Variants in RGSL1 observed in about 807,000 individuals in gnomAD.
RGSL1 encodes the protein regulator of G protein signaling like 1, also known as regulator of G protein signaling protein-like.
RGSL1 carries 97 observed loss-of-function variants against 124.7 expected under a neutral mutation model. That is an observed-to-expected ratio of 0.78 (90% confidence interval 0.66 to 0.92). The LOEUF is 0.92. Ranked by LOEUF, RGSL1 falls within the 40% of genes least tolerant of loss-of-function variation. The pLI, the probability that RGSL1 is intolerant of heterozygous loss-of-function variation, is 0.00. For synonymous variants in RGSL1, 424 were observed against 438.1 expected (o/e 0.97, Z 0.40); for missense variants, 1,233 against 1,288.4 (o/e 0.96, Z 0.66).
chr1:182,464,471 CCCAG>C (rs1653105505), intron 4 of RGSL1, among the ~76,000 whole-genome samples: 2 of 152,142 alleles, frequency 1.3e-5, no homozygotes, highest in Non-Finnish European at 2.9e-5. Flanking sequence ...CGCCTGTAAT[CCCAG>C]CACTTTGGGA....
intron 21 of RGSL1, among the ~76,000 whole-genome samples, chr1:182,557,976 C>T (rs969320783): frequency 1.2e-4 from 18 of 151,980 alleles, no homozygotes; most frequent in Non-Finnish European, 2.2e-4. Context: ...AACTGGAGAA[C>T]GTGTCCCAAA....
chr1:182,517,367 A>G (rs1163695271), intron 9 of RGSL1, among the ~76,000 whole-genome samples: 5 of 151,496 alleles, frequency 3.3e-5, no homozygotes, highest in African/African-American at 7.3e-5. Flanking sequence ...TTTGGGTCAA[A>G]TCTGTTTGGT....
chr1:182,462,502 CT>C (rs997073800), intron 4 of RGSL1, among the ~76,000 whole-genome samples: 2 of 151,842 alleles, frequency 1.3e-5, no homozygotes, highest in African/African-American at 4.8e-5. Flanking sequence ...TATAACTGCC[CT>C]TTTTTGTTTT....
In RGSL1 at chr1:182,551,749, T is replaced by C. The variant is rs74683056; in HGVS notation, c.3043+540T>C. On this transcript the variant is annotated intron_variant, in intron 18 of 21. Transcript: ENST00000294854. ...GTAAATATGCATACATATATATATA[T>C]ACACACACATACAGCCATGCACCAC... Among the ~76,000 whole-genome samples the C allele has an allele frequency of 1.0e-4, 14 of 140,476 alleles. No individual in the cohort carries two copies. The South Asian group carries it at 1.4e-3, about 14-fold the overall frequency. The allele number at this position is 140,476 out of a possible 152,430, so 92.2% of individuals were successfully genotyped here. A position where few individuals can be genotyped will look rare whatever the true frequency, so the allele number is the denominator to read the frequency against.
intron 9 of RGSL1, among the ~76,000 whole-genome samples, chr1:182,513,763 G>A (rs573942109): frequency 1.3e-5 from 2 of 152,140 alleles, no homozygotes. Flanking sequence ...TTACATCAGG[G>A]GCTGCCTGAA....
intron 21 of RGSL1, among the ~76,000 whole-genome samples, chr1:182,557,982 C>T (rs1392481571): frequency 6.6e-6 from 1 of 151,846 alleles, no homozygotes; most frequent in Admixed American, 6.6e-5. Context: ...AGAACGTGTC[C>T]CAAAGGGGTC....
chr1:182,478,076 T>C (rs1654431588), intron 6 of RGSL1, among the ~76,000 whole-genome samples: 1 of 152,158 alleles, frequency 6.6e-6, no homozygotes, highest in Admixed American at 6.6e-5. Context: ...TTCTAAACTG[T>C]TTAACACAAT....
At chr1:182,485,617 TC>T (rs1426724859) in intron 6 of RGSL1, among the ~76,000 whole-genome samples, 1 of 152,172 alleles carries the variant, frequency 6.6e-6, no homozygotes, top group Non-Finnish European at 1.5e-5. Flanking sequence ...GATTCTGTCA[TC>T]CCTTCTCTCA....
intron 15 of RGSL1, among the ~76,000 whole-genome samples, chr1:182,541,188 ACTT>A (rs1380232062): frequency 6.6e-6 from 1 of 152,130 alleles, no homozygotes; most frequent in Non-Finnish European, 1.5e-5. Flanking sequence ...ACTAGGTCTT[ACTT>A]CTTCTATCTA....
In RGSL1 at chr1:182,455,399, T is replaced by C. The variant is rs59602525; in HGVS notation, c.96+1359T>C. Among the ~76,000 whole-genome samples the C allele has an allele frequency of 1.7e-3, 258 of 152,106 alleles. 1 individual carries two copies. Among genetic ancestry groups the C allele is most frequent in the African/African-American group, 5.7e-3 (236 of 41,496 alleles). ...GAGTTTGAGACCAGCCTGGCCAACATGGTGAAATCCTGTCTCTACTAAAAA... is the reference window on the plus strand; with the variant it reads ...GAGTTTGAGACCAGCCTGGCCAACACGGTGAAATCCTGTCTCTACTAAAAA... On this transcript the variant is annotated intron_variant, in intron 2 of 21. Transcript: ENST00000294854.
intron 9 of RGSL1, among the ~76,000 whole-genome samples, chr1:182,495,122 G>T (rs1200925439): frequency 1.3e-5 from 2 of 152,156 alleles, no homozygotes; most frequent in Non-Finnish European, 2.9e-5. Flanking sequence ...CTTTTATTAG[G>T]GATGTTACTA....
At chr1:182,502,680 T>G (rs1656487467) in intron 9 of RGSL1, among the ~76,000 whole-genome samples, 1 of 152,216 alleles carries the variant, frequency 6.6e-6, no homozygotes, top group Non-Finnish European at 1.5e-5. Flanking sequence ...ATATCTGCAT[T>G]TATAAGTTTC....
chr1:182,488,181 A>G (rs769163616), intron 6 of RGSL1, 104 bp from the exon 7 acceptor site: 9 of 1,116,640 alleles, frequency 8.1e-6, no homozygotes, highest in Non-Finnish European at 1.2e-5. Context: ...AAATTACAGA[A>G]CCCAGAATCT....
At chr1:182,459,890 C>T in intron 3 of RGSL1, 114 bp from the exon 4 acceptor site, 1 of 1,280,016 alleles carries the variant, frequency 7.8e-7, no homozygotes. Context: ...ACACACCTAT[C>T]CTTCTGGCCA....
In RGSL1 at chr1:182,532,699, G is replaced by A. The variant is rs1424957318; in HGVS notation, c.2402G>A (p.Ser801Asn). 1 of 1,550,968 alleles carries A rather than the reference G, an allele frequency of 6.4e-7. No homozygotes were observed. Among genetic ancestry groups the A allele is most frequent in the African/African-American group, 1.4e-5 (1 of 72,976 alleles). The change falls in exon 14 of 22, where the codon AGT becomes AAT. Residue 801 changes from serine to asparagine, a missense_variant. By Grantham distance (46) the Ser-to-Asn change is conservative. Transcript: ENST00000294854. Reference protein sequence around the residue: ...GWMRMISFIRSFCKYRRFMLN... With the variant: ...GWMRMISFIRNFCKYRRFMLN... Reference sequence around the variant, plus strand: ...ATGAGAATGATCAGCTTTATCAGGAGTTTTTGCAAGTACCGCAGATTTATG... The same window carrying A: ...ATGAGAATGATCAGCTTTATCAGGAATTTTTGCAAGTACCGCAGATTTATG...
At chr1:182,511,656 G>T (rs955145850) in intron 9 of RGSL1, among the ~76,000 whole-genome samples, 2 of 152,142 alleles carry the variant, frequency 1.3e-5, no homozygotes, top group Admixed American at 1.3e-4. Flanking sequence ...TAGCTTTGTA[G>T]TAAATTTTGA....
In RGSL1 at chr1:182,495,126, GTTACTA is replaced by G. The variant is rs537259846; in HGVS notation, c.1825+1999_1825+2004del. On this transcript the variant is annotated intron_variant, in intron 9 of 21. Transcript: ENST00000294854. ...TAAGTGGCTGGCTTTTATTAGGGAT[GTTACTA>G]TACTGGGTACTGGGGGCTCTGCATT... 5.9e-5 allele frequency among the ~76,000 whole-genome samples: 9 copies of G among 152,312 alleles called. No homozygotes were observed. In the East Asian group the frequency reaches 1.7e-3, roughly 29 times the overall value.
At chr1:182,513,894 TATC>T (rs996553268) in intron 9 of RGSL1, among the ~76,000 whole-genome samples, 5 of 126,874 alleles carry the variant, frequency 3.9e-5, no homozygotes, top group Admixed American at 1.7e-4. Flanking sequence ...TTTCTCTCCC[TATC>T]TTTTTTTTTT....
intron 17 of RGSL1, chr1:182,550,056 C>T (rs1286276739): frequency 6.6e-6 from 1 of 152,206 alleles, no homozygotes; most frequent in East Asian, 1.9e-4. Context: ...TCTTTACTTA[C>T]TTTCCTACAT....
Sources: allele counts gnomAD v4.1 joint callset (sites outside exome capture counted in the v4.1 genomes callset), GRCh38; gene constraint gnomAD v4.1.1; transcripts MANE v1.5; gene names NCBI Gene and HGNC (gene_info 2026-07-23, HGNC 2026-07-21).